Variants in KRT83 observed in about 807,000 individuals in gnomAD.
The protein encoded by KRT83 is keratin 83.
KRT83 carries 51 observed loss-of-function variants against 52.9 expected under a neutral mutation model. That is an observed-to-expected ratio of 0.96 (90% CI 0.77 to 1.22). KRT83 has a LOEUF of 1.22. KRT83 is among the 50% of genes most tolerant of loss of function. KRT83 has a pLI of 0.00. For synonymous variants in KRT83, 278 were observed against 274.1 expected (o/e 1.01, Z -0.14); for missense variants, 654 against 666.5 (o/e 0.98, Z 0.21).
At chr12:52,317,880 C>A (rs139521755) in intron 3 of KRT83, 30 bp downstream of exon 3, 2 of 1,613,300 alleles carry the variant, frequency 1.2e-6, no homozygotes, top group East Asian at 2.2e-5. Context: ...GGACTCAGGG[C>A]GGGCTCAGGG....
In KRT83 at chr12:52,321,053, G is replaced by T; in HGVS notation, c.283C>A (p.Pro95Thr). The T allele has an allele frequency of 1.2e-6, 2 of 1,612,672 alleles. No homozygotes were observed. The highest frequency in any genetic ancestry group is 1.7e-6 in the Non-Finnish European group (2 of 1,179,876). The change falls in exon 1 of 9, where the codon CCC (proline) becomes ACC (threonine). Residue 95 changes from proline (P) to threonine (T), a missense_variant. Coordinates refer to ENST00000293670, the MANE Select transcript of KRT83 (RefSeq NM_002282.3). Reference protein sequence around the residue: ...TVSVNESLLTPLNLEIDPNAQ... With the variant: ...TVSVNESLLTTLNLEIDPNAQ... ...TTGGGGTCTATCTCCAGGTTGAGGG[G>T]CGTGAGGAGGCTCTCGTTGACCGAC... is the stretch of plus-strand genomic sequence containing the variant.
In KRT83 at chr12:52,317,910, C is replaced by A. The variant is rs776566840; in HGVS notation, c.654G>T (p.Lys218Asn). 10 of 1,614,042 alleles carry A rather than the reference C, an allele frequency of 6.2e-6. No individual in the cohort carries two copies. In the South Asian group the frequency reaches 8.8e-5, roughly 14 times the overall value. The change falls in exon 3 of 9, where the codon AAG (lysine) becomes AAT (asparagine). Residue 218 changes from lysine to asparagine, a missense_variant and splice_region_variant. By Grantham distance (94) the Lys-to-Asn change is moderately conservative. Coordinates refer to ENST00000293670, the MANE Select transcript of KRT83 (RefSeq NM_002282.3). The part of the protein sequence containing the change: ...TAENEFVALK[K>N]DVDCAYLRKS... ...TCAGGGCCAGCTGGGCTTCACTCAC[C>A]TTCTTTAGAGCCACAAACTCGTTCT...
intron 5 of KRT83, 109 bp downstream of exon 5, chr12:52,316,750 C>T: frequency 6.2e-7 from 1 of 1,602,714 alleles, no homozygotes; most frequent in Non-Finnish European, 8.5e-7. Flanking sequence ...TGGTTTTTCT[C>T]TTACCATCCT....
At chr12:52,319,399 T>C in intron 1 of KRT83, 35 bp from the exon 2 acceptor site, 1 of 1,605,552 alleles carries the variant, frequency 6.2e-7, no homozygotes, top group Non-Finnish European at 8.5e-7. Flanking sequence ...GAACCTCTTC[T>C]TGCAGCATCA....
chr12:52,317,899 G>C lies in KRT83; in HGVS notation c.654+11C>G, dbSNP rs1177270589. ...TCAGGGCGGGCTCAGGGCCAGCTGG[G>C]CTTCACTCACCTTCTTTAGAGCCAC... On this transcript the variant is annotated intron_variant, in intron 3 of 8. Transcript: ENST00000293670. 6.2e-7 allele frequency: 1 copy of C among 1,613,940 alleles called. No individual in the cohort carries two copies. The highest frequency in any genetic ancestry group is 2.2e-5 in the East Asian group (1 of 44,898).
Position 52,319,242 on chromosome 12 carries a change from C to G in KRT83, c.507G>C (p.Arg169=). The G allele has an allele frequency of 6.2e-7, 1 of 1,613,932 alleles. No homozygotes were observed. Among genetic ancestry groups the G allele is most frequent in the Non-Finnish European group, 8.5e-7 (1 of 1,179,932 alleles). Residue 169 remains arginine, a synonymous_variant, in exon 2 of 9, where the codon CGG becomes CGC. Coordinates refer to ENST00000293670, the MANE Select transcript of KRT83 (RefSeq NM_002282.3). ...TGTCAGCCTCCACGCACTCGGCCTC[C>G]CGCCGCAGAGTCTCGATGTAGCCAG... ...LFAGYIETLR[R]EAECVEADSG...
At chr12:52,320,921 C>T (rs1319560489) in intron 1 of KRT83, 31 bp downstream of exon 1, 1 of 1,613,784 alleles carries the variant, frequency 6.2e-7, no homozygotes, top group African/African-American at 1.3e-5. Context: ...AGTAGGGGTT[C>T]AGGAAGGGTG....
chr12:52,319,506 A>G, intron 1 of KRT83, 142 bp from the exon 2 acceptor site: 2 of 1,225,928 alleles, frequency 1.6e-6, no homozygotes, highest in Non-Finnish European at 2.3e-6. Context: ...TCTCTCAAAA[A>G]TGCCACCAGG....
intron 1 of KRT83, among the ~76,000 whole-genome samples, chr12:52,319,969 G>A (rs1224283397): frequency 6.6e-6 from 1 of 152,174 alleles, no homozygotes; most frequent in Non-Finnish European, 1.5e-5. Context: ...CACAGTGGCA[G>A]AGAAGAGCTC....
rs549134397 is a variant in KRT83 at position 52,321,036 on chromosome 12, T to G, written c.300A>C (p.Ile100=). 147 of 1,612,764 alleles carry G rather than the reference T, an allele frequency of 9.1e-5. 1 individual carries two copies. Among genetic ancestry groups the G allele is most frequent in the Middle Eastern group, 1.9e-4 (1 of 5,176 alleles). The part of the protein sequence containing the change: ...ESLLTPLNLE[I]DPNAQCVKQE... Reference sequence around the variant, plus strand: ...GCTTCACGCACTGCGCGTTGGGGTCTATCTCCAGGTTGAGGGGCGTGAGGA... The same window carrying G: ...GCTTCACGCACTGCGCGTTGGGGTCGATCTCCAGGTTGAGGGGCGTGAGGA... The change falls in exon 1 of 9, where the codon ATA becomes ATC. Residue 100 remains isoleucine, a synonymous_variant. Transcript: ENST00000293670.
chr12:52,319,589 G>A (rs1292380782), intron 1 of KRT83, among the ~76,000 whole-genome samples: 2 of 152,200 alleles, frequency 1.3e-5, no homozygotes, highest in Non-Finnish European at 2.9e-5. Context: ...CTGGTGTCAT[G>A]GAAAATGCTT....
intron 1 of KRT83, 147 bp from the exon 2 acceptor site, chr12:52,319,511 A>G (rs1187226647): frequency 8.6e-7 from 1 of 1,169,484 alleles, no homozygotes; most frequent in African/African-American, 1.5e-5. Context: ...CAAAAATGCC[A>G]CCAGGGCTTA....
rs1938769725 is a variant in KRT83 at position 52,321,365 on chromosome 12, G to A, written c.-30C>T. The A allele has an allele frequency of 6.2e-7, 1 of 1,613,562 alleles. No individual in the cohort carries two copies. Among genetic ancestry groups the A allele is most frequent in the Non-Finnish European group, 8.5e-7 (1 of 1,179,970 alleles). ...GAGGTTAGGAGGTGTCTGAACAGTG[G>A]AGTAGATGGCAGAGGATGGAACCAA... On this transcript the variant is annotated 5_prime_UTR_variant, in exon 1 of 9. Transcript: ENST00000293670.
Position 52,321,084 on chromosome 12 carries a change from G to T in KRT83, c.252C>A (p.Thr84=). The change falls in exon 1 of 9, where the codon ACC becomes ACA. Residue 84 remains threonine (T), a synonymous_variant. Transcript: ENST00000293670. ...GVCGPSPPCI[T]TVSVNESLLT... ...GGAGGCTCTCGTTGACCGACACGGTGGTGATGCATGGGGGGCTGGGTCCGC... is the reference window on the plus strand; with the variant it reads ...GGAGGCTCTCGTTGACCGACACGGTTGTGATGCATGGGGGGCTGGGTCCGC... 6.2e-7 allele frequency: 1 copy of T among 1,612,344 alleles called. No homozygotes were observed. Among genetic ancestry groups the T allele is most frequent in the Non-Finnish European group, 8.5e-7 (1 of 1,179,884 alleles).
intron 4 of KRT83, 44 bp downstream of exon 4, chr12:52,317,637 T>A: frequency 6.3e-7 from 1 of 1,597,496 alleles, no homozygotes; most frequent in South Asian, 1.1e-5. Context: ...GGGTCAGGGA[T>A]CCCATGGGGG....
rs542589604 is a variant in KRT83, at chr12:52,316,047, G to A, written c.1108C>T (p.Arg370Cys). The A allele has an allele frequency of 1.4e-5, 22 of 1,613,730 alleles. No homozygotes were observed. Among genetic ancestry groups the A allele is most frequent in the African/African-American group, 1.2e-4 (9 of 75,032 alleles). Reference sequence around the variant, plus strand: ...CCCTCCAGCTCGGCCAGCTTGCAGCGGGCATCACTGAGGGCCGCCTCACCC... The same window carrying A: ...CCCTCCAGCTCGGCCAGCTTGCAGCAGGCATCACTGAGGGCCGCCTCACCC... ...QQGEAALSDA[R>C]CKLAELEGAL... Residue 370 changes from arginine (R) to cysteine (C), a missense_variant, in exon 7 of 9, where the codon CGC (arginine) becomes TGC (cysteine). Arg to Cys is a radical substitution (Grantham distance 180). Transcript: ENST00000293670.
At position 52,317,781 on chromosome 12, in the gene KRT83, G is replaced by A. The variant is rs972652254; in HGVS notation, c.655-5C>T. On this transcript the variant is annotated splice_polypyrimidine_tract_variant and splice_region_variant and intron_variant, in intron 3 of 8. Transcript: ENST00000293670. Reference sequence around the variant, plus strand: ...GAGGTAGGCGCAGTCCACATCCTGGGTGGGGTAGAAGGGGCTGTGAGGCCG... The same window carrying A: ...GAGGTAGGCGCAGTCCACATCCTGGATGGGGTAGAAGGGGCTGTGAGGCCG... 7.4e-6 allele frequency: 12 copies of A among 1,613,822 alleles called. No individual in the cohort carries two copies. The African/African-American group carries it at 1.2e-4, about 16-fold the overall frequency.
At position 52,315,893 on chromosome 12, in the gene KRT83, C is replaced by T. The variant is rs1328278319; in HGVS notation, c.1262G>A (p.Arg421Lys). The T allele has an allele frequency of 1.3e-5, 21 of 1,612,330 alleles. No homozygotes were observed. The highest frequency in any genetic ancestry group is 2.2e-5 in the East Asian group (1 of 44,888). ...YRRLLEGEEQRLCEGVEAVNV... is the reference protein window; with the variant it reads ...YRRLLEGEEQKLCEGVEAVNV... ...GTGCTTAGGGCTGGGTTGGACCCAC[C>T]TCTGCTCCTCGCCCTCCAGCAGGCG... The change falls in exon 7 of 9, where the codon AGG becomes AAG. Residue 421 changes from arginine to lysine, a missense_variant and splice_region_variant. Physicochemically the swap from Arg to Lys is conservative, Grantham distance 26. Coordinates refer to ENST00000293670, the MANE Select transcript of KRT83 (RefSeq NM_002282.3).
intron 2 of KRT83, among the ~76,000 whole-genome samples, chr12:52,318,330 C>G (rs1403412027): frequency 6.6e-6 from 1 of 152,280 alleles, no homozygotes; most frequent in East Asian, 1.9e-4. Context: ...TGCCCACCAC[C>G]ACGCCTGGCT....
Sources: gnomAD v4.1 joint callset for allele counts (sites outside exome capture counted in the v4.1 genomes callset) on GRCh38, gnomAD v4.1.1 for gene constraint, MANE v1.5 for transcripts, NCBI Gene and HGNC (gene_info 2026-07-23, HGNC 2026-07-21) for gene names.